CDKN2B-AS1: variants seen among roughly 807,000 people sequenced by gnomAD.
The protein encoded by CDKN2B-AS1 is CDKN2B and CDKN2A antisense cis and trans regulatory RNA 1.
chr9:22,019,101 T>C (rs527672254), intron 1 of CDKN2B-AS1, among the ~76,000 whole-genome samples: 5 of 152,240 alleles, frequency 3.3e-5, no homozygotes, highest in Non-Finnish European at 7.4e-5. Flanking sequence ...ATTGAAGGAA[T>C]TGTGACTGGA....
At chr9:22,025,271 G>A (rs1027767046) in intron 1 of CDKN2B-AS1, among the ~76,000 whole-genome samples, 3 of 152,198 alleles carry the variant, frequency 2.0e-5, no homozygotes, top group Non-Finnish European at 4.4e-5. Flanking sequence ...CTGGGGGGTG[G>A]GGTGGGACCT....
intron 1 of CDKN2B-AS1, among the ~76,000 whole-genome samples, chr9:22,017,884 A>T (rs1821841605): frequency 6.6e-6 from 1 of 150,828 alleles, no homozygotes; most frequent in Non-Finnish European, 1.5e-5. Flanking sequence ...AGATATGTTG[A>T]TGGGAGCCAA....
At chr9:22,018,665 G>C (rs967836061) in intron 1 of CDKN2B-AS1, among the ~76,000 whole-genome samples, 5 of 152,082 alleles carry the variant, frequency 3.3e-5, no homozygotes, top group African/African-American at 1.2e-4. Context: ...AACAAACAAA[G>C]AAAAACATAA....
At chr9:22,065,722 C>T (rs993794406) in intron 4 of CDKN2B-AS1, 1 of 152,130 alleles carries the variant, frequency 6.6e-6, no homozygotes, top group African/African-American at 2.4e-5. Flanking sequence ...ATGAGCTACA[C>T]CTACCTCAAT....
At chr9:22,047,905 G>A (rs1199391767) in intron 2 of CDKN2B-AS1, among the ~76,000 whole-genome samples, 1 of 151,384 alleles carries the variant, frequency 6.6e-6, no homozygotes, top group African/African-American at 2.4e-5. Flanking sequence ...TCCTGCCTCA[G>A]TCTTCTGAGT....
At chr9:22,117,685 C>T (rs1236805797) in intron 4 of CDKN2B-AS1, 1 of 152,336 alleles carries the variant, frequency 6.6e-6, no homozygotes, top group Non-Finnish European at 1.5e-5. Context: ...TTGCTGCCCT[C>T]CTCCTTTGTC....
At chr9:22,037,327 T>G (rs1033586704) in intron 1 of CDKN2B-AS1, among the ~76,000 whole-genome samples, 1 of 152,086 alleles carries the variant, frequency 6.6e-6, no homozygotes, top group African/African-American at 2.4e-5. Context: ...AAGTGCAGAA[T>G]CCTCTGTAGT....
At chr9:22,081,521 C>T (rs906191918) in intron 4 of CDKN2B-AS1, among the ~76,000 whole-genome samples, 14 of 152,172 alleles carry the variant, frequency 9.2e-5, no homozygotes, top group Non-Finnish European at 2.9e-5. Flanking sequence ...TTGGCCCTGC[C>T]TGGCCTGATC....
chr9:22,011,707 A>C (rs1234166842), intron 1 of CDKN2B-AS1, among the ~76,000 whole-genome samples: 1 of 152,236 alleles, frequency 6.6e-6, no homozygotes, highest in Non-Finnish European at 1.5e-5. Context: ...CAAAGATGAC[A>C]TTTCACATGT....
intron 4 of CDKN2B-AS1, among the ~76,000 whole-genome samples, chr9:22,072,535 T>C (rs1296099222): frequency 2.0e-5 from 3 of 152,236 alleles, no homozygotes. Flanking sequence ...ATCTAAGCCT[T>C]AGTTAGTTTT....
intron 4 of CDKN2B-AS1, among the ~76,000 whole-genome samples, chr9:22,123,227 T>C (rs113834645): frequency 1.7e-4 from 26 of 152,340 alleles, no homozygotes; most frequent in African/African-American, 5.5e-4. Context: ...TTACAGAATT[T>C]GTTATTAGCT....
chr9:22,051,710 T>C (rs1029462623), intron 3 of CDKN2B-AS1, among the ~76,000 whole-genome samples: 1 of 152,150 alleles, frequency 6.6e-6, no homozygotes, highest in African/African-American at 2.4e-5. Flanking sequence ...TTACATTTCA[T>C]AAAAAGTTGG....
At chr9:22,045,721 G>GGGTCA (rs1300975793) in intron 1 of CDKN2B-AS1, among the ~76,000 whole-genome samples, 2 of 151,968 alleles carry the variant, frequency 1.3e-5, no homozygotes, top group African/African-American at 4.8e-5. Context: ...TTAACCTTGG[G>GGGTCA]GGTCATATTC....
chr9:22,119,287 G>A (rs1212617901), intron 4 of CDKN2B-AS1: 5 of 152,148 alleles, frequency 3.3e-5, no homozygotes, highest in Admixed American at 6.5e-5. Context: ...TCAAGGCCAA[G>A]CATTCCAATT....
chr9:22,007,730 AAAAG>A (rs990520299), intron 1 of CDKN2B-AS1, among the ~76,000 whole-genome samples: 4 of 152,206 alleles, frequency 2.6e-5, no homozygotes, highest in Non-Finnish European at 5.9e-5. Context: ...TACATAGAAA[AAAAG>A]GGGAAAATAG....
intron 1 of CDKN2B-AS1, among the ~76,000 whole-genome samples, chr9:22,020,802 G>A (rs1302071816): frequency 6.6e-6 from 1 of 152,066 alleles, no homozygotes; most frequent in Non-Finnish European, 1.5e-5. Flanking sequence ...ATAGTTTAAA[G>A]AAATGTTCTC....
intron 4 of CDKN2B-AS1, among the ~76,000 whole-genome samples, chr9:22,124,249 C>T (rs533010347): frequency 6.6e-6 from 1 of 152,248 alleles, no homozygotes; most frequent in South Asian, 2.1e-4. Context: ...CTTTTTTCAG[C>T]AAACCACAAT....
chr9:22,091,074 T>G (rs1452225014), intron 4 of CDKN2B-AS1, among the ~76,000 whole-genome samples: 2 of 152,238 alleles, frequency 1.3e-5, no homozygotes, highest in Non-Finnish European at 2.9e-5. Flanking sequence ...CACCATCTAT[T>G]AAATAGGGAA....
At chr9:22,112,341 A>G (rs548493927) in intron 4 of CDKN2B-AS1, 22 of 152,320 alleles carry the variant, frequency 1.4e-4, no homozygotes, top group East Asian at 1.9e-4. Context: ...TCACATGGCA[A>G]GAAACATTGC....
Sources: allele counts gnomAD v4.1 joint callset (sites outside exome capture counted in the v4.1 genomes callset), GRCh38; gene constraint gnomAD v4.1.1; transcripts MANE v1.5; gene names NCBI Gene and HGNC (gene_info 2026-07-23, HGNC 2026-07-21).